ITGB2: variants seen among roughly 807,000 people sequenced by gnomAD.
ITGB2 encodes integrin subunit beta 2, also known as integrin beta-2.
In ITGB2, 56 loss-of-function variants were observed where a neutral mutation model predicts 86.8. That is an observed-to-expected ratio of 0.65 (90% CI 0.52 to 0.81). The LOEUF is 0.81. Ranked by LOEUF, ITGB2 falls within the 30% of genes least tolerant of loss-of-function variation. The pLI is 0.00. For synonymous variants in ITGB2, 457 were observed against 450.4 expected (o/e 1.01, Z -0.19); for missense variants, 948 against 1,061.2 (o/e 0.89, Z 1.48).
Position 44,901,447 on chromosome 21 carries a change from C to T in ITGB2, c.741+45G>A. On this transcript the variant is annotated intron_variant, in intron 6 of 15. Coordinates refer to ENST00000652462, the MANE Select transcript of ITGB2 (RefSeq NM_000211.5). ...CCACACAGCGCCTGACAGAGCCCCC[C>T]ACACTGGGGGAACGTGGGGACCCAA... is the stretch of plus-strand genomic sequence containing the variant. 4.4e-6 allele frequency: 7 copies of T among 1,605,146 alleles called. 1 individual carries two copies. The highest frequency in any genetic ancestry group is 1.7e-4 in the Middle Eastern group (1 of 5,854).
At chr21:44,904,996 G>A (rs2084021605) in intron 4 of ITGB2, among the ~76,000 whole-genome samples, 1 of 152,268 alleles carries the variant, frequency 6.6e-6, no homozygotes, top group Admixed American at 6.5e-5. Flanking sequence ...TGAAGGGCCA[G>A]ACAGTAAATG....
At chr21:44,895,547 CA>C (rs968362001) in intron 8 of ITGB2, among the ~76,000 whole-genome samples, 1 of 146,396 alleles carries the variant, frequency 6.8e-6, no homozygotes, top group Non-Finnish European at 1.5e-5. Flanking sequence ...CAAAACAAAA[CA>C]AAAAAAACCC....
At chr21:44,919,539 C>T (rs963091504) in intron 1 of ITGB2, among the ~76,000 whole-genome samples, 18 of 152,336 alleles carry the variant, frequency 1.2e-4, no homozygotes, top group African/African-American at 4.1e-4. Context: ...TGACGGCAGA[C>T]AGCCCAGAGC....
At chr21:44,913,554 C>G (rs1350400328) in intron 1 of ITGB2, among the ~76,000 whole-genome samples, 1 of 152,150 alleles carries the variant, frequency 6.6e-6, no homozygotes, top group African/African-American at 2.4e-5. Context: ...CCCTGGGGGG[C>G]TTGGAGCTGG....
chr21:44,910,596 C>A (rs1385786293), intron 2 of ITGB2, 129 bp downstream of exon 2: 1 of 1,383,476 alleles, frequency 7.2e-7, no homozygotes, highest in Admixed American at 2.0e-5. Flanking sequence ...AGTCCCCGAC[C>A]TACCCCCAGT....
At chr21:44,921,730 G>GT (rs1029905994), upstream of ITGB2, among the ~76,000 whole-genome samples, 2 of 151,784 alleles carry the variant, frequency 1.3e-5, no homozygotes, top group African/African-American at 2.4e-5. Flanking sequence ...TATGTTTTCA[G>GT]TTTTTTTTGA....
chr21:44,901,860 C>T (rs1335856522), intron 5 of ITGB2, 127 bp from the exon 6 acceptor site: 14 of 1,052,092 alleles, frequency 1.3e-5, no homozygotes, highest in East Asian at 1.0e-4. Flanking sequence ...AGCAAGATGG[C>T]ACATGTGGAG....
chr21:44,910,861 G>C (rs2146547664), intron 1 of ITGB2, 76 bp from the exon 2 acceptor site: 6 of 1,463,852 alleles, frequency 4.1e-6, no homozygotes, highest in Non-Finnish European at 5.6e-6. Context: ...CTCCCCTCCA[G>C]CTGGCCTGGG....
intron 11 of ITGB2, among the ~76,000 whole-genome samples, chr21:44,890,433 A>C (rs1187539242): frequency 6.6e-6 from 1 of 152,188 alleles, no homozygotes; most frequent in Non-Finnish European, 1.5e-5. Context: ...TCCCGAGGGG[A>C]AAGCAGACAC....
In ITGB2 at chr21:44,910,306, C is replaced by T. The variant is rs1376038173; in HGVS notation, c.125G>A (p.Gly42Asp). The T allele has an allele frequency of 1.2e-6, 2 of 1,614,104 alleles. No individual in the cohort carries two copies. Residue 42 changes from glycine (G) to aspartate (D), a missense_variant, in exon 3 of 16, where the codon GGC becomes GAC. Physicochemically the swap from Gly to Asp is moderately conservative, Grantham distance 94. Transcript: ENST00000652462. The part of the protein sequence containing the change: ...SCRECIESGP[G>D]CTWCQKLNFT... ...TACCAGCTTCTGGCACCAGGTGCAGCCGGGCCCCGACTCGATGCATTCCCG... is the reference window on the plus strand; with the variant it reads ...TACCAGCTTCTGGCACCAGGTGCAGTCGGGCCCCGACTCGATGCATTCCCG...
chr21:44,894,846 T>C (rs2083840285), intron 9 of ITGB2, 125 bp downstream of exon 9: 2 of 749,840 alleles, frequency 2.7e-6, no homozygotes, highest in Non-Finnish European at 4.8e-6. Flanking sequence ...AGGCTGCAGC[T>C]GGCCCACGGG....
chr21:44,913,232 T>C (rs1386419177), intron 1 of ITGB2, among the ~76,000 whole-genome samples: 1 of 151,990 alleles, frequency 6.6e-6, no homozygotes, highest in East Asian at 1.9e-4. Context: ...CCAGCCAGGC[T>C]GGTAAGGACT....
At chr21:44,901,417 T>G in intron 6 of ITGB2, 75 bp downstream of exon 6, 1 of 1,556,820 alleles carries the variant, frequency 6.4e-7, no homozygotes, top group South Asian at 1.1e-5. Context: ...GGTACCCCCC[T>G]GCCCCCACAC....
At position 44,888,700 on chromosome 21, in the gene ITGB2, C is replaced by T. The variant is rs879017906; in HGVS notation, c.2073G>A (p.Glu691=). The change falls in exon 14 of 16, where the codon GAG becomes GAA. Residue 691 remains glutamate, a synonymous_variant. Transcript: ENST00000652462. The part of the protein sequence containing the change: ...GMDRYLIYVD[E]SRECVAGPNI... ...GCACCCCAGCGGCCTCACCTCGGCT[C>T]TCATCCACATAGATGAGGTAGCGGT... 1 of 1,608,620 alleles carries T rather than the reference C, an allele frequency of 6.2e-7. No individual in the cohort carries two copies.
At position 44,888,736 on chromosome 21, in the gene ITGB2, CT is replaced by C. The variant is rs1227331406; in HGVS notation, c.2036del (p.Gln679ArgfsTer36). 1 of 1,611,258 alleles carries C rather than the reference CT, an allele frequency of 6.2e-7. No homozygotes were observed. The highest frequency in any genetic ancestry group is 1.3e-5 in the African/African-American group (1 of 74,946). On this transcript the variant is annotated frameshift_variant, in exon 14 of 16. Coordinates refer to ENST00000652462, the MANE Select transcript of ITGB2 (RefSeq NM_000211.5). LOFTEE classifies it high-confidence loss of function. ...GCWVAYTLEQQDGMDRYLIYV... is the reference protein window; with the variant it reads ...GCWVAYTLEQXDGMDRYLIYV... ...AGATGAGGTAGCGGTCCATCCCGTC[CT>C]GCTGCTCCAGCGTGTAGGCCACCCA...
chr21:44,909,929 C>T (rs1219690112), intron 3 of ITGB2, among the ~76,000 whole-genome samples: 6 of 152,212 alleles, frequency 3.9e-5, no homozygotes, highest in South Asian at 2.1e-4. Context: ...AGCGTGCTGG[C>T]GATGCGGGGC....
chr21:44,916,125 A>G (rs1024940414), intron 1 of ITGB2, among the ~76,000 whole-genome samples: 7 of 151,924 alleles, frequency 4.6e-5, no homozygotes, highest in African/African-American at 1.2e-4. Context: ...GTTTCACCAT[A>G]TTGGCCAGGC....
chr21:44,897,821 T>C (rs2083891569), intron 8 of ITGB2, among the ~76,000 whole-genome samples: 1 of 152,196 alleles, frequency 6.6e-6, no homozygotes, highest in South Asian at 2.1e-4. Context: ...TCCAGCTCAG[T>C]CCTTCTGTCC....
intron 1 of ITGB2, among the ~76,000 whole-genome samples, chr21:44,918,254 C>A (rs888504480): frequency 1.3e-5 from 2 of 152,256 alleles, no homozygotes; most frequent in Non-Finnish European, 2.9e-5. Context: ...TGGCCTCAGG[C>A]AGGACCACGG....
Sources: gnomAD v4.1 joint callset for allele counts (sites outside exome capture counted in the v4.1 genomes callset) on GRCh38, gnomAD v4.1.1 for gene constraint, MANE v1.5 for transcripts, NCBI Gene and HGNC (gene_info 2026-07-23, HGNC 2026-07-21) for gene names.